Variants in ACAD11 observed in about 807,000 individuals in gnomAD.
ACAD11 encodes acyl-Coenzyme A dehydrogenase family, member 11.
In ACAD11, 83 loss-of-function variants were observed where a neutral mutation model predicts 102.2. The ratio of observed to expected loss-of-function variants is 0.81; its 90% CI spans 0.68 to 0.97. The LOEUF (loss-of-function observed/expected upper bound fraction) is 0.97. ACAD11 is among the 50% of genes least tolerant of loss of function. ACAD11 has a pLI of 0.00. For missense variants in ACAD11, 901 were observed against 951.7 expected (o/e 0.95, Z 0.70); for synonymous variants, 324 against 319.8 (o/e 1.01, Z -0.14).
intron 13 of ACAD11, among the ~76,000 whole-genome samples, chr3:132,581,407 C>T (rs1937595453): frequency 6.6e-6 from 1 of 151,820 alleles, no homozygotes; most frequent in Admixed American, 6.6e-5. Flanking sequence ...GTCTTAGAAT[C>T]CAAAAGATAA....
chr3:132,590,663 C>T (rs1938037391), intron 13 of ACAD11, among the ~76,000 whole-genome samples: 1 of 152,116 alleles, frequency 6.6e-6, no homozygotes, highest in Non-Finnish European at 1.5e-5. Flanking sequence ...CAACCTCACC[C>T]GCATCTGTTA....
intron 17 of ACAD11, among the ~76,000 whole-genome samples, chr3:132,563,293 T>G (rs569803665): frequency 6.6e-6 from 1 of 152,330 alleles, no homozygotes; most frequent in Non-Finnish European, 1.5e-5. Context: ...TTTAGTGTTT[T>G]TGTATTTCCA....
At chr3:132,659,502 C>G in intron 1 of ACAD11, 101 bp downstream of exon 1, 1 of 1,536,038 alleles carries the variant, frequency 6.5e-7, no homozygotes, top group Non-Finnish European at 8.8e-7. Flanking sequence ...GCAGGAAAAG[C>G]AATCAGGGTG....
intron 13 of ACAD11, chr3:132,600,992 T>C (rs200045620): frequency 6.4e-5 from 103 of 1,613,430 alleles, no homozygotes; most frequent in Middle Eastern, 3.3e-4. Context: ...AATGAAAGCA[T>C]TGATTCAAAT....
intron 1 of ACAD11, among the ~76,000 whole-genome samples, chr3:132,655,590 A>G (rs1302902644): frequency 1.3e-5 from 2 of 152,120 alleles, no homozygotes; most frequent in East Asian, 3.9e-4. Context: ...TCCCCCTTCA[A>G]GTCTTTGCTG....
rs79142371 is a variant in ACAD11, at chr3:132,635,930, T to C, written c.702+3562A>G. 3.2e-4 allele frequency among the ~76,000 whole-genome samples: 49 copies of C among 152,228 alleles called. No homozygotes were observed. In the East Asian group the frequency reaches 6.4e-3, roughly 20 times the overall value. On this transcript the variant is annotated intron_variant, in intron 5 of 19. Coordinates refer to ENST00000264990, the MANE Select transcript of ACAD11 (RefSeq NM_032169.5). ...TTGTGAAACTACTGAAGAGGATGGA[T>C]GCATTTTTCTCTTACATCATTCTAT... is the stretch of plus-strand genomic sequence containing the variant.
chr3:132,616,350 A>G (rs1404255803), intron 11 of ACAD11, among the ~76,000 whole-genome samples: 3 of 152,220 alleles, frequency 2.0e-5, no homozygotes, highest in Non-Finnish European at 4.4e-5. Flanking sequence ...AAATGATAAA[A>G]TAGTGGCAGA....
At chr3:132,580,434 A>G (rs1937581377) in intron 13 of ACAD11, among the ~76,000 whole-genome samples, 1 of 152,056 alleles carries the variant, frequency 6.6e-6, no homozygotes, top group Non-Finnish European at 1.5e-5. Flanking sequence ...CAACAATTAA[A>G]TTGCAATAAA....
chr3:132,646,031 G>A (rs1369830529), intron 1 of ACAD11: 1 of 150,954 alleles, frequency 6.6e-6, no homozygotes, highest in Non-Finnish European at 1.5e-5. Context: ...GCCCAGGCTG[G>A]AGTGGCGCGA....
rs1397725961 is a variant in ACAD11 at position 132,612,461 on chromosome 3, A to T, written c.1414+6173T>A. 3.9e-3 allele frequency among the ~76,000 whole-genome samples: 590 copies of T among 151,916 alleles called. 4 individuals carry two copies. The highest frequency in any genetic ancestry group is 4.9e-3 in the Non-Finnish European group (332 of 67,932). ...GCAACCTACAGAATGGGAGAAAATT[A>T]TTGCAACCTACTCATCTGACAAAGG... is the stretch of plus-strand genomic sequence containing the variant. On this transcript the variant is annotated intron_variant, in intron 11 of 19. Transcript: ENST00000264990.
intron 17 of ACAD11, among the ~76,000 whole-genome samples, chr3:132,568,801 CAAAAA>C (rs755568917): frequency 1.0e-3 from 70 of 68,670 alleles, no homozygotes; most frequent in East Asian, 2.8e-3. Context: ...CATCCACAGG[CAAAAA>C]AAAAAAAAAA....
At chr3:132,645,356 G>A (rs1161178661) in intron 1 of ACAD11, among the ~76,000 whole-genome samples, 2 of 152,156 alleles carry the variant, frequency 1.3e-5, no homozygotes, top group African/African-American at 4.8e-5. Context: ...AGGCTAGTGC[G>A]TGAGTTGAGC....
chr3:132,627,658 G>A (rs945140324), intron 8 of ACAD11, among the ~76,000 whole-genome samples: 2 of 151,876 alleles, frequency 1.3e-5, no homozygotes, highest in Non-Finnish European at 2.9e-5. Flanking sequence ...CATTTATCCC[G>A]GAACTTAAAA....
chr3:132,618,839 T>C, intron 10 of ACAD11, 67 bp from the exon 11 acceptor site: 1 of 1,377,556 alleles, frequency 7.3e-7, no homozygotes, highest in South Asian at 1.9e-5. Context: ...TTATTTCTTT[T>C]TTTAAATATT....
At chr3:132,602,854 G>A (rs1938673562) in intron 13 of ACAD11, among the ~76,000 whole-genome samples, 1 of 152,114 alleles carries the variant, frequency 6.6e-6, no homozygotes, top group African/African-American at 2.4e-5. Flanking sequence ...CCAGGGTGAA[G>A]TACAGTGGTG....
intron 13 of ACAD11, among the ~76,000 whole-genome samples, chr3:132,588,702 C>G (rs1937953529): frequency 1.3e-5 from 2 of 152,122 alleles, no homozygotes; most frequent in African/African-American, 4.8e-5. Flanking sequence ...AAGGACCATC[C>G]TCATTTGTAC....
In ACAD11 at chr3:132,593,502, C is replaced by T. The variant is rs536501180; in HGVS notation, c.1621+9727G>A. ...AAGGGGTGCTGAATTTGTTACAAGT[C>T]ATTTAGAAAGCAAAGTGGTAGTAAA... On this transcript the variant is annotated intron_variant, in intron 13 of 19. Transcript: ENST00000264990. Among the ~76,000 whole-genome samples, 11 of 152,224 alleles carry T rather than the reference C, an allele frequency of 7.2e-5. No homozygotes were observed. In the South Asian group the frequency reaches 1.9e-3, roughly 26 times the overall value.
intron 9 of ACAD11, among the ~76,000 whole-genome samples, chr3:132,624,506 G>A (rs1186556779): frequency 3.3e-5 from 5 of 150,950 alleles, no homozygotes; most frequent in Non-Finnish European, 4.4e-5. Flanking sequence ...TTGGGAGGCT[G>A]AGGCAGAAGA....
At chr3:132,562,547 G>A (rs1937093048) in intron 17 of ACAD11, among the ~76,000 whole-genome samples, 1 of 152,176 alleles carries the variant, frequency 6.6e-6, no homozygotes, top group Non-Finnish European at 1.5e-5. Flanking sequence ...TGTACATTTT[G>A]CATTCCTACT....
Sources: gnomAD v4.1 joint callset for allele counts (sites outside exome capture counted in the v4.1 genomes callset) on GRCh38, gnomAD v4.1.1 for gene constraint, MANE v1.5 for transcripts, NCBI Gene and HGNC (gene_info 2026-07-23, HGNC 2026-07-21) for gene names.